CDH23: variants seen among roughly 807,000 people sequenced by gnomAD.
CDH23 encodes cadherin-23.
In CDH23, 189 loss-of-function variants were observed where a neutral mutation model predicts 317.1. That is an observed-to-expected ratio of 0.60 (90% confidence interval 0.53 to 0.67). The LOEUF is 0.67. Ranked by LOEUF, CDH23 falls within the 30% of genes least tolerant of loss-of-function variation. The pLI is 0.00. For synonymous variants in CDH23, 1,839 were observed against 1,876.8 expected, an observed-to-expected ratio of 0.98 and a Z score of 0.52; for missense variants, 4,401 against 4,592.4, an observed-to-expected ratio of 0.96 and a Z score of 1.20.
chr10:71,755,576 C>T, intron 38 of CDH23: 1 of 1,003,322 alleles, frequency 1.0e-6, no homozygotes, highest in Non-Finnish European at 1.5e-6. Flanking sequence ...CCGCCTTTCC[C>T]CAGAGTCCCA....
At chr10:71,666,066 A>G (rs1413060621) in intron 14 of CDH23, among the ~76,000 whole-genome samples, 2 of 152,158 alleles carry the variant, frequency 1.3e-5, no homozygotes, top group Non-Finnish European at 1.5e-5. Context: ...CAAGTCCACA[A>G]TGGAACAAAA....
chr10:71,761,176 G>T (rs1840373835), intron 38 of CDH23, among the ~76,000 whole-genome samples: 2 of 152,076 alleles, frequency 1.3e-5, no homozygotes, highest in South Asian at 4.1e-4. Context: ...CGAACCATGG[G>T]CCCTTGCACT....
intron 3 of CDH23, among the ~76,000 whole-genome samples, chr10:71,485,215 C>T (rs79207566): frequency 0.025 from 3,784 of 151,912 alleles, 338 homozygotes; most frequent in East Asian, 0.15. Context: ...TTAGTAGAGA[C>T]GGGGTTTCAC....
intron 3 of CDH23, among the ~76,000 whole-genome samples, chr10:71,448,827 G>A (rs987440828): frequency 1.1e-4 from 16 of 152,180 alleles, no homozygotes; most frequent in African/African-American, 3.9e-4. Context: ...CAAGCAGATG[G>A]TGGGTATGGA....
chr10:71,498,080 T>G (rs1853073758), intron 3 of CDH23, among the ~76,000 whole-genome samples: 1 of 152,200 alleles, frequency 6.6e-6, no homozygotes, highest in Non-Finnish European at 1.5e-5. Flanking sequence ...CTCGTGGACC[T>G]CTGCACTTTG....
chr10:71,627,219 G>A (rs1195999199), intron 11 of CDH23, among the ~76,000 whole-genome samples: 3 of 152,132 alleles, frequency 2.0e-5, no homozygotes, highest in African/African-American at 2.4e-5. Context: ...CACATTTCTA[G>A]GGTTCCTCCC....
Position 71,702,581 on chromosome 10 carries a change from G to A in CDH23, c.2620G>A (p.Ala874Thr), listed in dbSNP as rs1287154486. 1.2e-6 allele frequency: 2 copies of A among 1,613,882 alleles called. No individual in the cohort carries two copies. Among genetic ancestry groups the A allele is most frequent in the African/African-American group, 2.7e-5 (2 of 74,926 alleles). ...GCCCCCTCTGAAAGCCACCAGCAGT[G>A]CCACAGTGTTTGTGAACCTCTTGGA... ...GRPPLKATSS[A>T]TVFVNLLDLN... The change falls in exon 24 of 70, where the codon GCC becomes ACC. Residue 874 changes from alanine (A) to threonine (T), a missense_variant. Transcript: ENST00000224721.
At chr10:71,422,770 T>C (rs1370156214) in intron 1 of CDH23, among the ~76,000 whole-genome samples, 1 of 152,166 alleles carries the variant, frequency 6.6e-6, no homozygotes, top group Non-Finnish European at 1.5e-5. Context: ...AAGCTCTCCA[T>C]GTGCTTGATC....
At chr10:71,400,734 G>A (rs1197216745) in intron 1 of CDH23, among the ~76,000 whole-genome samples, 4 of 152,156 alleles carry the variant, frequency 2.6e-5, no homozygotes, top group East Asian at 3.9e-4. Flanking sequence ...GGACCATGGA[G>A]GTTGCAGTGA....
intron 9 of CDH23, among the ~76,000 whole-genome samples, chr10:71,606,136 A>G (rs1348252201): frequency 6.6e-6 from 1 of 152,240 alleles, no homozygotes; most frequent in Non-Finnish European, 1.5e-5. Context: ...GGAGCCAGTT[A>G]TTAGCAAATT....
intron 9 of CDH23, among the ~76,000 whole-genome samples, chr10:71,611,606 C>T (rs1860898320): frequency 6.6e-6 from 1 of 152,128 alleles, no homozygotes; most frequent in Non-Finnish European, 1.5e-5. Context: ...TTATTGCCCC[C>T]CTTTTACAGA....
intron 6 of CDH23, among the ~76,000 whole-genome samples, chr10:71,544,748 C>T (rs548521055): frequency 1.2e-4 from 18 of 152,350 alleles, no homozygotes; most frequent in African/African-American, 4.3e-4. Flanking sequence ...AGAACTTTGG[C>T]CACAGCTATC....
intron 3 of CDH23, among the ~76,000 whole-genome samples, chr10:71,482,804 G>A (rs980119063): frequency 1.3e-5 from 2 of 152,210 alleles, no homozygotes; most frequent in South Asian, 2.1e-4. Context: ...TCAGGTGCCC[G>A]AGTTGAGCGG....
intron 44 of CDH23, 94 bp downstream of exon 44, chr10:71,785,832 T>G: frequency 1.2e-6 from 1 of 807,434 alleles, no homozygotes; most frequent in Non-Finnish European, 2.1e-6. Context: ...ATAGCCAGGC[T>G]TAGATGCACA....
intron 1 of CDH23, among the ~76,000 whole-genome samples, chr10:71,398,983 C>T (rs1847662587): frequency 6.6e-6 from 1 of 152,180 alleles, no homozygotes; most frequent in African/African-American, 2.4e-5. Flanking sequence ...AACAGCTGGG[C>T]TCCTCACGTC....
Position 71,735,788 on chromosome 10 carries a change from G to A in CDH23, c.4209+1130G>A, listed in dbSNP as rs568883379. Among the ~76,000 whole-genome samples, 4 of 152,216 alleles carry A rather than the reference G, an allele frequency of 2.6e-5. No individual in the cohort carries two copies. In the East Asian group the frequency reaches 7.7e-4, roughly 29 times the overall value. ...CCATACCTAAAGGCCCCCTCCATCC[G>A]TGGGGCCAGCCTGGGGGTGAGTGAG... On this transcript the variant is annotated intron_variant, in intron 34 of 69. Transcript: ENST00000224721.
At chr10:71,657,936 GAC>G (rs1456376535) in intron 14 of CDH23, among the ~76,000 whole-genome samples, 1 of 144,318 alleles carries the variant, frequency 6.9e-6, no homozygotes, top group Non-Finnish European at 1.5e-5. Context: ...CACACACACA[GAC>G]ACACAGAAAA....
chr10:71,590,695 C>T (rs1859407846), intron 9 of CDH23, among the ~76,000 whole-genome samples: 1 of 151,960 alleles, frequency 6.6e-6, no homozygotes, highest in Admixed American at 6.6e-5. Context: ...GGGATGCTTT[C>T]AGTCCTCTTT....
chr10:71,663,814 T>C (rs1052574931), intron 14 of CDH23, among the ~76,000 whole-genome samples: 3 of 152,164 alleles, frequency 2.0e-5, no homozygotes, highest in African/African-American at 4.8e-5. Flanking sequence ...AAATGGAATG[T>C]GACCCCTGTG....
Sources: gnomAD v4.1 joint callset for allele counts (sites outside exome capture counted in the v4.1 genomes callset) on GRCh38, gnomAD v4.1.1 for gene constraint, MANE v1.5 for transcripts, NCBI Gene and HGNC (gene_info 2026-07-23, HGNC 2026-07-21) for gene names.